ZNF536: variants seen among roughly 807,000 people sequenced by gnomAD.
ZNF536 encodes the protein zinc finger protein 536.
Under a neutral mutation model 84.5 loss-of-function variants are expected in ZNF536, and 13 were observed. That is an observed-to-expected ratio of 0.15 (90% CI 0.10 to 0.24). The LOEUF is 0.24. ZNF536 is among the 10% of genes least tolerant of loss of function. The pLI is 1.00. For synonymous variants in ZNF536, 811 were observed against 742.5 expected, an observed-to-expected ratio of 1.09 and a Z score of -1.50; for missense variants, 1,536 against 1,747.5, an observed-to-expected ratio of 0.88 and a Z score of 2.16.
At chr19:30,443,283 T>C (rs2052148781) in intron 1 of ZNF536, among the ~76,000 whole-genome samples, 1 of 152,242 alleles carries the variant, frequency 6.6e-6, no homozygotes, top group Non-Finnish European at 1.5e-5. Context: ...TTGAAAGTGG[T>C]AAAACATTAA....
chr19:30,383,670 T>C (rs1177573515), intron 1 of ZNF536, among the ~76,000 whole-genome samples: 4 of 36,266 alleles, frequency 1.1e-4, no homozygotes, highest in Non-Finnish European at 1.7e-4. Flanking sequence ...TTCTCTTTCT[T>C]TCTTCCTTTC....
At position 30,431,089 on chromosome 19, in the gene ZNF536, G is replaced by T. The variant is rs555883685; in HGVS notation, c.-2-12472G>T. On this transcript the variant is annotated intron_variant, in intron 1 of 4. Coordinates refer to ENST00000355537, the MANE Select transcript of ZNF536 (RefSeq NM_014717.3). ...CTTTCCTGATCACGGTTCGAAATTG[G>T]TCTTTGTCCCTGGAATCCATCTATG... 1.4e-4 allele frequency among the ~76,000 whole-genome samples: 22 copies of T among 152,294 alleles called. 1 individual carries two copies. In the South Asian group the frequency reaches 4.6e-3, roughly 32 times the overall value.
intron 1 of ZNF536, among the ~76,000 whole-genome samples, chr19:30,661,454 G>GT (rs2050118904): frequency 6.6e-6 from 1 of 152,192 alleles, no homozygotes; most frequent in African/African-American, 2.4e-5. Context: ...GAAATATGTA[G>GT]TCCTGTGAAC....
intron 1 of ZNF536, among the ~76,000 whole-genome samples, chr19:30,393,430 A>T (rs896612052): frequency 3.3e-5 from 5 of 152,220 alleles, no homozygotes; most frequent in Admixed American, 3.3e-4. Flanking sequence ...AGATAGGATG[A>T]TGAGTGAAAT....
chr19:30,259,593 G>A (rs1280002724), intron 1 of ZNF536, among the ~76,000 whole-genome samples: 1 of 152,162 alleles, frequency 6.6e-6, no homozygotes, highest in East Asian at 1.9e-4. Flanking sequence ...AATGGCAGTG[G>A]CTTTTCCAAG....
At chr19:30,433,827 A>C (rs1422663705) in intron 1 of ZNF536, among the ~76,000 whole-genome samples, 1 of 152,200 alleles carries the variant, frequency 6.6e-6, no homozygotes, top group Admixed American at 6.5e-5. Flanking sequence ...CCACCTTTAC[A>C]TGCCTTGGTC....
chr19:30,502,028 C>T (rs975414721), intron 2 of ZNF536, among the ~76,000 whole-genome samples: 1 of 152,102 alleles, frequency 6.6e-6, no homozygotes, highest in Non-Finnish European at 1.5e-5. Context: ...AAAGCAAATT[C>T]TAAAAGGGTT....
chr19:30,315,461 C>T (rs879646209), intron 2 of ZNF536, among the ~76,000 whole-genome samples: 1 of 152,146 alleles, frequency 6.6e-6, no homozygotes, highest in African/African-American at 2.4e-5. Flanking sequence ...AGCCACCCCC[C>T]TCTGGGCCCT....
intron 2 of ZNF536, among the ~76,000 whole-genome samples, chr19:30,475,709 C>T (rs899652909): frequency 3.3e-5 from 5 of 152,162 alleles, no homozygotes; most frequent in African/African-American, 1.2e-4. Flanking sequence ...CCATGTCCTT[C>T]CTGGACTCTA....
At chr19:30,644,393 T>G (rs908520152) in intron 1 of ZNF536, among the ~76,000 whole-genome samples, 4 of 152,092 alleles carry the variant, frequency 2.6e-5, no homozygotes, top group Non-Finnish European at 5.9e-5. Flanking sequence ...TACTTTAAGT[T>G]TTAGGGTACA....
chr19:30,557,399 G>T lies in ZNF536; in HGVS notation c.*235G>T. On this transcript the variant is annotated 3_prime_UTR_variant, in exon 5 of 5. Transcript: ENST00000355537. Reference sequence around the variant, plus strand: ...CCCCATATGTTCCAGTATTAGTCATGGATTGCAAAGGCTTAGTAACTTGAG... The same window carrying T: ...CCCCATATGTTCCAGTATTAGTCATTGATTGCAAAGGCTTAGTAACTTGAG... 2.5e-6 allele frequency: 1 copy of T among 401,144 alleles called. No homozygotes were observed. The highest frequency in any genetic ancestry group is 4.5e-6 in the Non-Finnish European group (1 of 223,690). 24.8% of individuals were successfully genotyped at this position (401,144 alleles called of 1,614,324 possible).
chr19:30,478,306 G>A (rs779431384), intron 2 of ZNF536, among the ~76,000 whole-genome samples: 9 of 152,164 alleles, frequency 5.9e-5, no homozygotes, highest in South Asian at 2.1e-4. Context: ...AGGGTCTTAC[G>A]ATCTAACTCT....
chr19:30,342,373 C>T (rs1338782112), intron 2 of ZNF536, among the ~76,000 whole-genome samples: 3 of 152,108 alleles, frequency 2.0e-5, no homozygotes. Context: ...CCATTCACAA[C>T]TGCTATCTTT....
intron 1 of ZNF536, among the ~76,000 whole-genome samples, chr19:30,594,438 C>T (rs1045592008): frequency 2.6e-5 from 4 of 152,202 alleles, no homozygotes; most frequent in African/African-American, 9.6e-5. Flanking sequence ...TCAGTCTCCC[C>T]CTGCTCCCCG....
intron 1 of ZNF536, among the ~76,000 whole-genome samples, chr19:30,693,660 G>A (rs1039832426): frequency 6.6e-6 from 1 of 151,916 alleles, no homozygotes; most frequent in Non-Finnish European, 1.5e-5. Flanking sequence ...CATTAGTGGC[G>A]CTCCAGGATG....
intron 1 of ZNF536, among the ~76,000 whole-genome samples, chr19:30,385,854 C>G (rs1335508591): frequency 1.3e-5 from 2 of 152,164 alleles, no homozygotes; most frequent in African/African-American, 2.4e-5. Context: ...CTTTGGGTCC[C>G]CAGCTGGGTG....
intron 3 of ZNF536, among the ~76,000 whole-genome samples, chr19:30,365,684 A>T (rs6510154): frequency 5.9e-5 from 9 of 152,164 alleles, no homozygotes; most frequent in East Asian, 1.9e-4. Context: ...GCGGGGAATG[A>T]GAGGACTGAC....
intron 1 of ZNF536, among the ~76,000 whole-genome samples, chr19:30,229,565 G>T (rs1015510709): frequency 6.8e-6 from 1 of 147,706 alleles, no homozygotes; most frequent in Non-Finnish European, 1.5e-5. Flanking sequence ...AAGCTGCTGC[G>T]GGTGGTGGGG....
intron 1 of ZNF536, among the ~76,000 whole-genome samples, chr19:30,574,160 C>A (rs2046647845): frequency 6.6e-6 from 1 of 152,198 alleles, no homozygotes; most frequent in Non-Finnish European, 1.5e-5. Context: ...AAATTAGGAA[C>A]TATAGCAGCC....
Sources: gnomAD v4.1 joint callset for allele counts (sites outside exome capture counted in the v4.1 genomes callset) on GRCh38, gnomAD v4.1.1 for gene constraint, MANE v1.5 for transcripts, NCBI Gene and HGNC (gene_info 2026-07-23, HGNC 2026-07-21) for gene names.